The following ZNF446 variants were observed in gnomAD, a reference collection of about 807,000 sequenced individuals.
ZNF446 encodes the protein zinc finger protein 446, also known as zinc finger protein with KRAB and SCAN domains 20.
ZNF446 carries 42 observed loss-of-function variants against 34.0 expected under a neutral mutation model. The observed-to-expected ratio is 1.23, with a 90% CI of 0.96 to 1.60. The LOEUF is 1.60. ZNF446 is among the 40% of genes most tolerant of loss of function. ZNF446 has a pLI of 0.00. For missense variants in ZNF446, 650 were observed against 600.2 expected (o/e 1.08, Z -0.87); for synonymous variants, 315 against 251.0 (o/e 1.25, Z -2.41).
rs537541090 is a variant in ZNF446 at position 58,480,415 on chromosome 19, G to A, written c.1042G>A (p.Val348Ile). The A allele has an allele frequency of 1.8e-5, 29 of 1,613,002 alleles. No homozygotes were observed. Among genetic ancestry groups the A allele is most frequent in the Admixed American group, 6.7e-5 (4 of 59,998 alleles). ...GRGFDWKSVFVIHHRTHTSGP... is the reference protein window; with the variant it reads ...GRGFDWKSVFIIHHRTHTSGP... The stretch of plus-strand genomic sequence containing the variant: ...CGGCTTCGACTGGAAGTCAGTGTTC[G>A]TCATCCACCACCGGACACACACGAG... The change falls in exon 7 of 7, where the codon GTC (valine) becomes ATC (isoleucine). Residue 348 changes from valine to isoleucine, a missense_variant. Val to Ile is a conservative substitution (Grantham distance 29). Transcript: ENST00000594369. This position sits in a 1 kb window ranked among gnomAD's most constrained non-coding sequence, Gnocchi z 7.2.
At chr19:58,476,922 C>CAACA (rs2053091413) in intron 1 of ZNF446, among the ~76,000 whole-genome samples, 2 of 152,184 alleles carry the variant, frequency 1.3e-5, no homozygotes. Flanking sequence ...CTGCTGGACC[C>CAACA]AACTGTTTGC....
At chr19:58,486,773 A>C in the ZNF446 span, among the ~76,000 whole-genome samples, 7 of 151,628 alleles carry the variant, frequency 4.6e-5, no homozygotes, top group African/African-American at 1.7e-4. Context: ...GAAAGTAAAA[A>C]TTTTATGACC....
At chr19:58,477,088 T>TCCTGGTCTCAGCCCCCTGGGCTGAG in intron 1 of ZNF446, 91 bp from the exon 2 acceptor site, 4 of 772,482 alleles carry the variant, frequency 5.2e-6, no homozygotes, top group Non-Finnish European at 8.5e-6. Flanking sequence ...GTACACTTGG[T>TCCTGGTCTCAGCCCCCTGGGCTGAG]CCTGGTCTCA....
chr19:58,478,041 T>C lies in ZNF446; in HGVS notation c.533-46T>C, dbSNP rs768899913. 3.2e-6 allele frequency: 5 copies of C among 1,554,888 alleles called. No individual in the cohort carries two copies. The South Asian group carries it at 3.5e-5, about 11-fold the overall frequency. ...GGAGCTCCTCATCTGCCATGGCTCA[T>C]GTGGGCAGCCCCTGACACCACCCTT... On this transcript the variant is annotated intron_variant, in intron 3 of 6. Transcript: ENST00000594369.
chr19:58,487,760 G>T, the ZNF446 span, among the ~76,000 whole-genome samples: 1 of 152,182 alleles, frequency 6.6e-6, no homozygotes, highest in African/African-American at 2.4e-5. Context: ...AGTGAGCCGA[G>T]ATCACGCCAC....
downstream of ZNF446, among the ~76,000 whole-genome samples, chr19:58,485,901 G>A (rs1236147939): frequency 6.6e-6 from 1 of 151,758 alleles, no homozygotes; most frequent in East Asian, 1.9e-4. Context: ...TTAAATATCA[G>A]GAAAATGTAA....
In ZNF446 at chr19:58,480,537, A is replaced by G. The variant is rs749029659; in HGVS notation, c.1164A>G (p.Ser388=). ...EVAFPHHPRR[S]LTGPRSYPCE... ...CCTTTCCGCACCACCCCCGACGCTC[A>G]CTCACAGGCCCCCGGAGTTACCCGT... Residue 388 remains serine, a synonymous_variant, in exon 7 of 7, where the codon TCA becomes TCG. Transcript: ENST00000594369. The surrounding 1 kb of genome is among the most constrained non-coding windows in gnomAD (Gnocchi z 7.2). 2.4e-5 allele frequency: 38 copies of G among 1,612,334 alleles called. No homozygotes were observed. In the East Asian group the frequency reaches 2.9e-4, roughly 12 times the overall value.
chr19:58,483,016 T>C (rs1317288246), downstream of ZNF446, among the ~76,000 whole-genome samples: 1 of 152,218 alleles, frequency 6.6e-6, no homozygotes, highest in Non-Finnish European at 1.5e-5. Context: ...AAGAAGATCA[T>C]GAAAATGTTC....
downstream of ZNF446, among the ~76,000 whole-genome samples, chr19:58,482,079 C>T (rs1444139171): frequency 1.3e-5 from 2 of 152,208 alleles, no homozygotes; most frequent in Non-Finnish European, 2.9e-5. Context: ...CAGGCGTGAG[C>T]CACCGCGCCC....
rs752452219 is a variant in ZNF446, at chr19:58,480,365, C to T, written c.992C>T (p.Pro331Leu). 1 of 1,606,842 alleles carries T rather than the reference C, an allele frequency of 6.2e-7. No homozygotes were observed. Among genetic ancestry groups the T allele is most frequent in the African/African-American group, 1.3e-5 (1 of 74,886 alleles). The change falls in exon 7 of 7, where the codon CCC becomes CTC. Residue 331 changes from proline (P) to leucine (L), a missense_variant. Physicochemically the swap from Pro to Leu is moderately conservative, Grantham distance 98. Coordinates refer to ENST00000594369, the MANE Select transcript of ZNF446 (RefSeq NM_017908.4). The surrounding 1 kb of genome is among the most constrained non-coding windows in gnomAD (Gnocchi z 7.2). Reference sequence around the variant, plus strand: ...GAGCCGGCTGCCACCCCCAGGAAGCCCTACACGTGCGAGCAGTGTGGCCGC... The same window carrying T: ...GAGCCGGCTGCCACCCCCAGGAAGCTCTACACGTGCGAGCAGTGTGGCCGC... Reference protein sequence around the residue: ...RLEPAATPRKPYTCEQCGRGF... With the variant: ...RLEPAATPRKLYTCEQCGRGF...
chr19:58,488,848 C>CAAAAA, the ZNF446 span, among the ~76,000 whole-genome samples: 13 of 102,312 alleles, frequency 1.3e-4, no homozygotes, highest in East Asian at 3.1e-4. Flanking sequence ...AAGACTCCGT[C>CAAAAA]AAAAAAAAAA....
chr19:58,478,315 G>T, intron 4 of ZNF446, 134 bp downstream of exon 4: 1 of 754,422 alleles, frequency 1.3e-6, no homozygotes. Context: ...GTCTGTAAAA[G>T]CTGTACCCCT....
chr19:58,487,037 C>T, the ZNF446 span, among the ~76,000 whole-genome samples: 1 of 143,194 alleles, frequency 7.0e-6, no homozygotes, highest in Non-Finnish European at 1.5e-5. Flanking sequence ...GTGATCCGTC[C>T]ACCTCGGCCT....
chr19:58,488,481 A>T, the ZNF446 span, among the ~76,000 whole-genome samples: 2 of 151,664 alleles, frequency 1.3e-5, no homozygotes, highest in Non-Finnish European at 2.9e-5. Context: ...AACGTGATGG[A>T]TTTCTCAGCC....
downstream of ZNF446, among the ~76,000 whole-genome samples, chr19:58,482,074 G>A (rs1307462937): frequency 1.3e-5 from 2 of 152,086 alleles, no homozygotes; most frequent in African/African-American, 2.4e-5. Flanking sequence ...GATTACAGGC[G>A]TGAGCCACCG....
At chr19:58,485,524 T>C (rs1162601607), downstream of ZNF446, among the ~76,000 whole-genome samples, 3 of 151,796 alleles carry the variant, frequency 2.0e-5, no homozygotes, top group African/African-American at 7.3e-5. Context: ...AAATAAAATA[T>C]TGTGGTATTG....
chr19:58,480,866 G>T lies in ZNF446; in HGVS notation c.*140G>T. 1 of 1,011,364 alleles carries T rather than the reference G, an allele frequency of 9.9e-7. No homozygotes were observed. The highest frequency in any genetic ancestry group is 1.4e-6 in the Non-Finnish European group (1 of 706,604). 62.6% of individuals were successfully genotyped at this position (1,011,364 alleles called of 1,614,324 possible). A position where few individuals can be genotyped will look rare whatever the true frequency, so the allele number is the denominator to read the frequency against. ...GTCCCAAGCCAGTTCCCTGCCCCTG[G>T]TCTGGTCTCCCCCAAAAGACCTGGG... On this transcript the variant is annotated 3_prime_UTR_variant, in exon 7 of 7. Transcript: ENST00000594369. The surrounding 1 kb of genome is among the most constrained non-coding windows in gnomAD (Gnocchi z 7.2).
At chr19:58,477,119 T>G in intron 1 of ZNF446, 60 bp from the exon 2 acceptor site, 1 of 1,069,200 alleles carries the variant, frequency 9.4e-7, no homozygotes, top group South Asian at 1.5e-5. Flanking sequence ...CTGAGCCTGG[T>G]GTCTGCCTTC....
At chr19:58,482,284 C>T (rs1337287760), downstream of ZNF446, among the ~76,000 whole-genome samples, 1 of 152,004 alleles carries the variant, frequency 6.6e-6, no homozygotes, top group Non-Finnish European at 1.5e-5. Flanking sequence ...TGACACCCAT[C>T]GATCCTTTGG....
Sources: gnomAD v4.1 joint callset for allele counts (sites outside exome capture counted in the v4.1 genomes callset) on GRCh38, gnomAD v4.1.1 for gene constraint, Gnocchi (gnomAD v3.1) non-coding constraint, MANE v1.5 for transcripts, NCBI Gene and HGNC (gene_info 2026-07-23, HGNC 2026-07-21) for gene names.